GARNL3: variants seen among roughly 807,000 people sequenced by gnomAD.
GARNL3 encodes GTPase activating Rap/RanGAP domain like 3.
GARNL3 carries 63 observed loss-of-function variants against 125.0 expected under a neutral mutation model. The ratio of observed to expected loss-of-function variants is 0.50; its 90% CI spans 0.41 to 0.62. The LOEUF (loss-of-function observed/expected upper bound fraction) is 0.62, where lower values mean the gene tolerates loss of function less well. Among genes scored for constraint, GARNL3 ranks in the 20% least tolerant of loss-of-function variants. The pLI, the probability that GARNL3 is intolerant of heterozygous loss-of-function variation, is 0.00. For synonymous variants in GARNL3, 439 were observed against 457.5 expected, an observed-to-expected ratio of 0.96 and a Z score of 0.52; for missense variants, 994 against 1,244.0, an observed-to-expected ratio of 0.80 and a Z score of 3.02.
intron 1 of GARNL3, among the ~76,000 whole-genome samples, chr9:127,232,516 C>G (rs1347492235): frequency 1.3e-5 from 2 of 151,964 alleles, no homozygotes; most frequent in African/African-American, 4.8e-5. Context: ...CCTGTGTTGC[C>G]CAGGCTGGCC....
At chr9:127,264,047 T>A, upstream of GARNL3, 1 of 1,165,800 alleles carries the variant, frequency 8.6e-7, no homozygotes, top group Non-Finnish European at 1.2e-6. Context: ...ATGTTTTGAA[T>A]ATAGTAAACA....
At chr9:127,268,031 G>T (rs1469467023) in intron 1 of GARNL3, among the ~76,000 whole-genome samples, 1 of 152,184 alleles carries the variant, frequency 6.6e-6, no homozygotes, top group Non-Finnish European at 1.5e-5. Flanking sequence ...TGGAAACCCA[G>T]ATCTTGACAG....
At chr9:127,329,092 A>G (rs1465973403) in intron 7 of GARNL3, among the ~76,000 whole-genome samples, 1 of 152,162 alleles carries the variant, frequency 6.6e-6, no homozygotes, top group East Asian at 1.9e-4. Context: ...AATATGAAAT[A>G]CCTCATTATA....
chr9:127,297,291 A>C (rs1017383046), intron 2 of GARNL3, among the ~76,000 whole-genome samples: 1 of 152,000 alleles, frequency 6.6e-6, no homozygotes, highest in Non-Finnish European at 1.5e-5. Flanking sequence ...GGCGCAGGCC[A>C]CCACGTCTGG....
chr9:127,251,978 A>G (rs2063412744), intron 2 of GARNL3, among the ~76,000 whole-genome samples: 1 of 152,196 alleles, frequency 6.6e-6, no homozygotes. Flanking sequence ...AATAACCTTT[A>G]ACTACCGTTA....
At position 127,322,283 on chromosome 9, in the gene GARNL3, C is replaced by G. The variant is rs116367409; in HGVS notation, c.567+1505C>G. 8.7e-3 allele frequency among the ~76,000 whole-genome samples: 1,318 copies of G among 152,206 alleles called. 24 individuals are homozygous for G. Among genetic ancestry groups the G allele is most frequent in the African/African-American group, 0.03 (1,227 of 41,514 alleles). On this transcript the variant is annotated intron_variant, in intron 6 of 27. Coordinates refer to ENST00000373387, the MANE Select transcript of GARNL3 (RefSeq NM_032293.5). ...CAACTCTGCTTCCCAGACACGGAGCCCCAAAACCCACAGAGCCAGAGCTCT... is the reference window on the plus strand; with the variant it reads ...CAACTCTGCTTCCCAGACACGGAGCGCCAAAACCCACAGAGCCAGAGCTCT...
upstream of GARNL3, among the ~76,000 whole-genome samples, chr9:127,258,734 T>C (rs1446021795): frequency 6.6e-6 from 1 of 152,220 alleles, no homozygotes; most frequent in Non-Finnish European, 1.5e-5. Context: ...GTCCCTTCTG[T>C]GCAAGAAGCT....
At chr9:127,320,833 TAGAACTGAC>T in intron 6 of GARNL3, 55 bp downstream of exon 6, 1 of 1,179,218 alleles carries the variant, frequency 8.5e-7, no homozygotes, top group Non-Finnish European at 1.3e-6. Context: ...AGTGTTAGGA[TAGAACTGAC>T]AGGTCATCAT....
intron 2 of GARNL3, chr9:127,245,391 G>C (rs1479381771): frequency 6.6e-6 from 1 of 152,570 alleles, no homozygotes; most frequent in African/African-American, 2.4e-5. Context: ...TGCAGGCTGC[G>C]GGACTGCGAT....
intron 1 of GARNL3, among the ~76,000 whole-genome samples, chr9:127,231,715 T>A (rs534263432): frequency 6.6e-6 from 1 of 152,212 alleles, no homozygotes; most frequent in Admixed American, 6.5e-5. Flanking sequence ...AATCAGATTC[T>A]CAAGCCTCAC....
intron 4 of GARNL3, among the ~76,000 whole-genome samples, chr9:127,314,094 C>A (rs1485892083): frequency 6.6e-6 from 1 of 152,156 alleles, no homozygotes; most frequent in African/African-American, 2.4e-5. Context: ...GCCCCTGAAA[C>A]CCACAGTGCC....
chr9:127,386,350 T>A (rs745670323), intron 24 of GARNL3, among the ~76,000 whole-genome samples: 10 of 152,242 alleles, frequency 6.6e-5, no homozygotes, highest in Non-Finnish European at 1.3e-4. Context: ...ACTTTCTCCA[T>A]CACTGTAAGT....
chr9:127,294,075 A>G (rs931181126), intron 2 of GARNL3, among the ~76,000 whole-genome samples: 1 of 152,110 alleles, frequency 6.6e-6, no homozygotes, highest in African/African-American at 2.4e-5. Context: ...GGATCCTAGC[A>G]TAATGTGGGG....
intron 2 of GARNL3, among the ~76,000 whole-genome samples, chr9:127,301,540 G>A (rs2064787050): frequency 6.6e-6 from 1 of 152,080 alleles, no homozygotes; most frequent in Non-Finnish European, 1.5e-5. Flanking sequence ...AAAAAGGGAG[G>A]GGAAATCCTT....
chr9:127,335,194 C>G (rs371618068), intron 9 of GARNL3, 36 bp from the exon 10 acceptor site: 41 of 1,417,524 alleles, frequency 2.9e-5, no homozygotes, highest in Non-Finnish European at 3.8e-5. Flanking sequence ...GGCTCGAATT[C>G]TCTGTGCTCA....
intron 2 of GARNL3, among the ~76,000 whole-genome samples, chr9:127,254,784 C>G (rs2063468369): frequency 6.9e-6 from 1 of 145,072 alleles, no homozygotes; most frequent in African/African-American, 2.5e-5. Flanking sequence ...AAAAAAAAAA[C>G]TACCAATTAA....
chr9:127,288,116 G>T (rs558843427), intron 1 of GARNL3, among the ~76,000 whole-genome samples: 1 of 152,222 alleles, frequency 6.6e-6, no homozygotes, highest in African/African-American at 2.4e-5. Flanking sequence ...AGCGGAGAGA[G>T]CGCCTGAGGA....
intron 22 of GARNL3, among the ~76,000 whole-genome samples, chr9:127,377,182 T>C (rs1831963143): frequency 1.3e-5 from 2 of 152,210 alleles, no homozygotes; most frequent in South Asian, 4.1e-4. Context: ...TAACACAGTA[T>C]GATGCTGGTG....
chr9:127,263,657 A>G (rs145496260), upstream of GARNL3: 695 of 1,057,710 alleles, frequency 6.6e-4, 4 homozygotes, highest in African/African-American at 0.011. Context: ...GTAGAAAATC[A>G]TATCACTAGA....
Sources: allele counts gnomAD v4.1 joint callset (sites outside exome capture counted in the v4.1 genomes callset), GRCh38; gene constraint gnomAD v4.1.1; transcripts MANE v1.5; gene names NCBI Gene and HGNC (gene_info 2026-07-23, HGNC 2026-07-21).